CPAMD8: variants seen among roughly 807,000 people sequenced by gnomAD.
CPAMD8 encodes the protein C3 and PZP-like alpha-2-macroglobulin domain-containing protein 8.
CPAMD8 carries 146 observed loss-of-function variants against 224.7 expected under a neutral mutation model. The observed-to-expected ratio is 0.65, with a 90% confidence interval of 0.57 to 0.75. CPAMD8 has a LOEUF of 0.75. Ranked by LOEUF, CPAMD8 falls within the 30% of genes least tolerant of loss-of-function variation. CPAMD8 has a pLI of 0.00. For missense variants in CPAMD8, 2,301 were observed against 2,537.5 expected, an observed-to-expected ratio of 0.91 and a Z score of 2.00; for synonymous variants, 966 against 1,044.6, an observed-to-expected ratio of 0.92 and a Z score of 1.45.
At chr19:16,979,952 G>C (rs1237802414) in intron 14 of CPAMD8, among the ~76,000 whole-genome samples, 2 of 152,104 alleles carry the variant, frequency 1.3e-5, no homozygotes, top group African/African-American at 4.8e-5. Flanking sequence ...TGGAAAGTTG[G>C]TACTACTGGC....
chr19:17,004,063 G>A (rs546958241), intron 8 of CPAMD8, among the ~76,000 whole-genome samples: 257 of 151,912 alleles, frequency 1.7e-3, no homozygotes, highest in African/African-American at 6.0e-3. Context: ...GCGCCACCAC[G>A]CCCGGCTAAT....
At chr19:16,893,591 C>A (rs1219114623) in intron 41 of CPAMD8, 2 of 415,014 alleles carry the variant, frequency 4.8e-6, no homozygotes, top group Non-Finnish European at 8.6e-6. Context: ...TAAGCAGGTG[C>A]CAGGGGTCAC....
intron 26 of CPAMD8, among the ~76,000 whole-genome samples, chr19:16,923,440 G>A (rs147776188): frequency 6.6e-6 from 1 of 152,272 alleles, no homozygotes; most frequent in South Asian, 2.1e-4. Context: ...CACTGTGTGT[G>A]GTCTGAGCCT....
intron 27 of CPAMD8, among the ~76,000 whole-genome samples, chr19:16,917,356 T>C (rs1290017151): frequency 2.0e-5 from 3 of 152,192 alleles, no homozygotes; most frequent in Non-Finnish European, 2.9e-5. Context: ...TAATACAAGA[T>C]GCCTATCACA....
At chr19:16,907,258 G>T (rs1271116557) in intron 29 of CPAMD8, 141 bp from the exon 30 acceptor site, 10 of 1,013,188 alleles carry the variant, frequency 9.9e-6, no homozygotes, top group Non-Finnish European at 1.3e-5. Flanking sequence ...GGCTCTCACT[G>T]CCTGCAGACC....
chr19:16,979,363 T>C (rs2055410325), intron 14 of CPAMD8, among the ~76,000 whole-genome samples: 1 of 143,940 alleles, frequency 6.9e-6, no homozygotes, highest in Non-Finnish European at 1.5e-5. Context: ...TCCATCCATC[T>C]GTCCATCCAT....
At chr19:16,991,362 C>T (rs2055943546) in intron 12 of CPAMD8, among the ~76,000 whole-genome samples, 1 of 152,100 alleles carries the variant, frequency 6.6e-6, no homozygotes. Flanking sequence ...GGCCCGGGGA[C>T]CCCTGGACTT....
At chr19:16,949,216 G>C (rs1307230611) in intron 20 of CPAMD8, among the ~76,000 whole-genome samples, 1 of 151,998 alleles carries the variant, frequency 6.6e-6, no homozygotes, top group African/African-American at 2.4e-5. Flanking sequence ...ATACAAGCTG[G>C]GGTGGTCCTT....
Position 16,970,953 on chromosome 19 carries a change from G to T in CPAMD8, c.2151C>A (p.Val717=), listed in dbSNP as rs780228442. ...QDGGLYTDEA[V]PAFQPHTGSL... The stretch of plus-strand genomic sequence containing the variant: ...TCCCTGTGTGGGGCTGGAAAGCGGG[G>T]ACAGCCTCATCGGTGTAGAGGCCAC... The change falls in exon 18 of 42, where the codon GTC becomes GTA. Residue 717 remains valine (V), a synonymous_variant. Coordinates refer to ENST00000443236, the MANE Select transcript of CPAMD8 (RefSeq NM_015692.5). 3 of 1,613,894 alleles carry T rather than the reference G, an allele frequency of 1.9e-6. No homozygotes were observed. The highest frequency in any genetic ancestry group is 2.5e-6 in the Non-Finnish European group (3 of 1,179,886).
chr19:16,919,387 T>A (rs1568475084), intron 27 of CPAMD8, among the ~76,000 whole-genome samples: 1 of 152,072 alleles, frequency 6.6e-6, no homozygotes, highest in Non-Finnish European at 1.5e-5. Context: ...GAAGTCCATG[T>A]GGTGAGCAAC....
intron 3 of CPAMD8, chr19:17,013,512 AAAAATAAAAT>A (rs71180350): frequency 1.5e-5 from 2 of 129,458 alleles, no homozygotes; most frequent in Non-Finnish European, 3.1e-5. Flanking sequence ...CTCCGCCTCA[AAAAATAAAAT>A]AAAATAAAAT....
intron 2 of CPAMD8, 54 bp from the exon 3 acceptor site, chr19:17,020,407 C>T: frequency 1.5e-6 from 2 of 1,294,514 alleles, no homozygotes; most frequent in South Asian, 1.2e-5. Flanking sequence ...GTTGCCCTGC[C>T]TCCCTGAGCT....
chr19:16,898,027 G>C lies in CPAMD8; in HGVS notation c.4849-33C>G. The C allele has an allele frequency of 6.5e-7, 1 of 1,532,678 alleles. No individual in the cohort carries two copies. The highest frequency in any genetic ancestry group is 8.9e-7 in the Non-Finnish European group (1 of 1,127,296). 94.9% of individuals were successfully genotyped at this position (1,532,678 alleles called of 1,614,324 possible). On this transcript the variant is annotated intron_variant, in intron 37 of 41. Transcript: ENST00000443236. The surrounding 1 kb of genome is among the most constrained non-coding windows in gnomAD (Gnocchi z 4.2). ...GCAGCGGCGGGCGCAGGCTCGACCC[G>C]GGCCAGGAGGCCCGGGGCGCTGAGC...
chr19:17,001,569 G>C (rs1208992437), intron 9 of CPAMD8, among the ~76,000 whole-genome samples: 1 of 151,976 alleles, frequency 6.6e-6, no homozygotes, highest in African/African-American at 2.4e-5. Flanking sequence ...AGCGGGAGAG[G>C]GGCATGCTTT....
intron 7 of CPAMD8, among the ~76,000 whole-genome samples, chr19:17,005,386 C>G (rs543215577): frequency 1.3e-5 from 2 of 151,516 alleles, no homozygotes; most frequent in African/African-American, 2.4e-5. Context: ...TCCGACCCCC[C>G]ACCCCTCCAT....
Position 16,899,199 on chromosome 19 carries a change from G to A in CPAMD8, c.4848+276C>T, listed in dbSNP as rs2227372. ...GTCTCCCAAAGTGATGGGATTGCAG[G>A]CGTAAGCCAAAGGGCCTGGGCACTT... is the stretch of plus-strand genomic sequence containing the variant. On this transcript the variant is annotated intron_variant, in intron 37 of 41. Coordinates refer to ENST00000443236, the MANE Select transcript of CPAMD8 (RefSeq NM_015692.5). The surrounding 1 kb of genome is among the most constrained non-coding windows in gnomAD (Gnocchi z 5.4). 3.0e-3 allele frequency among the ~76,000 whole-genome samples: 452 copies of A among 152,314 alleles called. 5 individuals carry two copies. The highest frequency in any genetic ancestry group is 0.01 in the African/African-American group (433 of 41,568).
intron 18 of CPAMD8, among the ~76,000 whole-genome samples, chr19:16,966,605 C>T (rs562049971): frequency 6.6e-6 from 1 of 152,160 alleles, no homozygotes; most frequent in East Asian, 1.9e-4. Flanking sequence ...GGACAAAGCG[C>T]TAATATCCAA....
At chr19:17,019,463 G>C (rs1024742057) in intron 3 of CPAMD8, among the ~76,000 whole-genome samples, 2 of 152,124 alleles carry the variant, frequency 1.3e-5, no homozygotes, top group Admixed American at 1.3e-4. Flanking sequence ...AAAAGAAAAT[G>C]TATGTGCATG....
intron 12 of CPAMD8, 109 bp downstream of exon 12, chr19:16,993,307 G>A: frequency 1.2e-6 from 1 of 823,316 alleles, no homozygotes; most frequent in Admixed American, 2.4e-5. Context: ...ACTCCTGCAG[G>A]GCTGGGACGG....
Sources: allele counts gnomAD v4.1 joint callset (sites outside exome capture counted in the v4.1 genomes callset), GRCh38; gene constraint gnomAD v4.1.1; non-coding constraint Gnocchi (gnomAD v3.1); transcripts MANE v1.5; gene names NCBI Gene and HGNC (gene_info 2026-07-23, HGNC 2026-07-21).